The following RIMKLA variants were observed in gnomAD, a reference collection of about 807,000 sequenced individuals.
The protein encoded by RIMKLA is N-acetylaspartylglutamate synthase A.
RIMKLA carries 14 observed loss-of-function variants against 32.7 expected under a neutral mutation model. That is an observed-to-expected ratio of 0.43 (90% CI 0.28 to 0.67). The LOEUF is 0.67. Ranked by LOEUF, RIMKLA falls within the 30% of genes least tolerant of loss-of-function variation. The probability of loss-of-function intolerance (pLI) is 0.18; values close to 1 mark genes in which losing one functional copy is unlikely to be tolerated. For missense variants in RIMKLA, 410 were observed against 519.0 expected, an observed-to-expected ratio of 0.79 and a Z score of 2.04; for synonymous variants, 176 against 204.1, an observed-to-expected ratio of 0.86 and a Z score of 1.18.
intron 2 of RIMKLA, among the ~76,000 whole-genome samples, chr1:42,400,787 T>C (rs1340110675): frequency 6.6e-6 from 1 of 152,146 alleles, no homozygotes; most frequent in Non-Finnish European, 1.5e-5. Flanking sequence ...CTGGAGCTTC[T>C]GAAAGAAGTG....
At chr1:42,382,661 G>A (rs2148380931) in intron 1 of RIMKLA, among the ~76,000 whole-genome samples, 1 of 152,122 alleles carries the variant, frequency 6.6e-6, no homozygotes, top group South Asian at 2.1e-4. Context: ...CATTTAGTTT[G>A]TAGAACCGTC....
At chr1:42,384,732 A>G (rs11210628) in intron 1 of RIMKLA, among the ~76,000 whole-genome samples, 68,228 of 151,478 alleles carry the variant, frequency 0.45, 15,744 homozygotes, top group Middle Eastern at 0.57. Context: ...ATATGGGAAT[A>G]TAGCACTGGC....
At chr1:42,385,848 TTCTTTCTTTCTTTC>T in intron 1 of RIMKLA, among the ~76,000 whole-genome samples, 1 of 16,752 alleles carries the variant, frequency 6.0e-5, no homozygotes, top group African/African-American at 1.6e-4. Context: ...TTCTTTCTCT[TTCTTTCTTTCTTTC>T]TTTCTTTCTT....
intron 2 of RIMKLA, among the ~76,000 whole-genome samples, chr1:42,403,067 A>T (rs753294822): frequency 6.6e-6 from 1 of 152,220 alleles, no homozygotes; most frequent in Non-Finnish European, 1.5e-5. Flanking sequence ...CATTTTTGAG[A>T]ACTAGGAAGT....
chr1:42,385,753 TTCTTTCTTTC>T (rs1230850148), intron 1 of RIMKLA, among the ~76,000 whole-genome samples: 2 of 124,798 alleles, frequency 1.6e-5, no homozygotes, highest in South Asian at 2.3e-4. Flanking sequence ...CTTTCTTTCT[TTCTTTCTTTC>T]TTTCTTTGTT....
intron 2 of RIMKLA, 66 bp from the exon 3 acceptor site, chr1:42,404,445 G>A (rs1643127016): frequency 4.8e-6 from 5 of 1,040,558 alleles, no homozygotes; most frequent in South Asian, 2.5e-5. Flanking sequence ...ACAGAGGGGC[G>A]GGGCTGGGGT....
rs1227324934 is a variant in RIMKLA, at chr1:42,385,732, TTTCTTTC to T, written c.163+4638_163+4644del. Among the ~76,000 whole-genome samples, 73 of 83,734 alleles carry T rather than the reference TTTCTTTC, an allele frequency of 8.7e-4. 3 individuals carry two copies. The highest frequency in any genetic ancestry group is 7.7e-3 in the Admixed American group (72 of 9,354). 54.9% of individuals were successfully genotyped at this position (83,734 alleles called of 152,430 possible). ...TTCTTTCCTTCTCTTTCTTTCTTTC[TTTCTTTC>T]TTTCTTTCTTTCTTTCTTTCTTTCT... On this transcript the variant is annotated intron_variant, in intron 1 of 4. Transcript: ENST00000431473.
In RIMKLA at chr1:42,418,445, T is replaced by C. The variant is rs1276882537; in HGVS notation, c.*3471T>C. The C allele has an allele frequency of 2.0e-5, 3 of 152,020 alleles. No individual in the cohort carries two copies. Among genetic ancestry groups the C allele is most frequent in the South Asian group, 2.1e-4 (1 of 4,818 alleles). 9.4% of individuals were successfully genotyped at this position (152,020 alleles called of 1,614,324 possible). Reference sequence around the variant, plus strand: ...CAGCTAAAAGGAGATTCCATGACCATGGGGACCAGGAGAGGAGGAAAGGGA... The same window carrying C: ...CAGCTAAAAGGAGATTCCATGACCACGGGGACCAGGAGAGGAGGAAAGGGA... On this transcript the variant is annotated 3_prime_UTR_variant, in exon 5 of 5. Transcript: ENST00000431473.
chr1:42,399,975 A>G (rs974955043), intron 2 of RIMKLA, among the ~76,000 whole-genome samples: 1 of 152,236 alleles, frequency 6.6e-6, no homozygotes, highest in East Asian at 1.9e-4. Context: ...GAAACATGCT[A>G]TGAAAAGAAT....
At chr1:42,404,488 T>C (rs1487232879) in intron 2 of RIMKLA, 23 bp from the exon 3 acceptor site, 1 of 1,567,840 alleles carries the variant, frequency 6.4e-7, no homozygotes, top group Admixed American at 1.7e-5. Context: ...TTACCTTCAC[T>C]GACTTTCACC....
In RIMKLA at chr1:42,418,137, C is replaced by T. The variant is rs1364996249; in HGVS notation, c.*3163C>T. 1 of 152,168 alleles carries T rather than the reference C, an allele frequency of 6.6e-6. No homozygotes were observed. Among genetic ancestry groups the T allele is most frequent in the Non-Finnish European group, 1.5e-5 (1 of 68,046 alleles). 9.4% of individuals were successfully genotyped at this position (152,168 alleles called of 1,614,324 possible). On this transcript the variant is annotated 3_prime_UTR_variant, in exon 5 of 5. Transcript: ENST00000431473. ...ACCTGAAACTCTCCACTCTTGTATA[C>T]CAACTAACAAAGTCTTCCTTATGTA...
Position 42,414,929 on chromosome 1 carries a change from C to T in RIMKLA, c.1131C>T (p.Gly377=). The change falls in exon 5 of 5, where the codon GGC becomes GGT. Residue 377 remains glycine (G), a synonymous_variant. Coordinates refer to ENST00000431473, the MANE Select transcript of RIMKLA (RefSeq NM_173642.4). ...CACCCTCCATGCTGCCCGAACCTGG[C>T]TACAACATTAACAACAGGATTGCTT... The part of the protein sequence containing the change: ...GAPPSMLPEP[G]YNINNRIASE... 1 of 1,613,770 alleles carries T rather than the reference C, an allele frequency of 6.2e-7. No individual in the cohort carries two copies. Among genetic ancestry groups the T allele is most frequent in the Non-Finnish European group, 8.5e-7 (1 of 1,179,872 alleles).
Position 42,410,121 on chromosome 1 carries a change from G to A in RIMKLA, c.619G>A (p.Gly207Ser). The A allele has an allele frequency of 6.2e-7, 1 of 1,614,172 alleles. No homozygotes were observed. The highest frequency in any genetic ancestry group is 1.1e-5 in the South Asian group (1 of 91,082). The change falls in exon 4 of 5, where the codon GGC becomes AGC. Residue 207 changes from glycine (G) to serine (S), a missense_variant. By Grantham distance (56) the Gly-to-Ser change is moderately conservative. Transcript: ENST00000431473. ...GKDIRVVVVG[G>S]QVIGSMLRCS... ...GGACATCCGGGTGGTGGTGGTAGGG[G>A]GCCAGGTCATAGGCTCTATGCTTCG...
chr1:42,409,944 G>C (rs770913845), intron 3 of RIMKLA, 40 bp from the exon 4 acceptor site: 17 of 1,520,634 alleles, frequency 1.1e-5, no homozygotes, highest in East Asian at 2.3e-5. Flanking sequence ...GAGTCCAGAG[G>C]CTTCTCTAAC....
rs1643267372 is a variant in RIMKLA at position 42,418,188 on chromosome 1, G to GT, written c.*3215dup. 1 of 152,296 alleles carries GT rather than the reference G, an allele frequency of 6.6e-6. No individual in the cohort carries two copies. The highest frequency in any genetic ancestry group is 1.9e-4 in the East Asian group (1 of 5,180). 9.4% of individuals were successfully genotyped at this position (152,296 alleles called of 1,614,324 possible). A position where few individuals can be genotyped will look rare whatever the true frequency, so the allele number is the denominator to read the frequency against. On this transcript the variant is annotated 3_prime_UTR_variant, in exon 5 of 5. Transcript: ENST00000431473. ...ACATAGATTGCAGTGTCTGTATATG[G>GT]TCTTCCCATTATCTGGTAGTAGCAT...
chr1:42,405,531 A>G (rs750229974), intron 3 of RIMKLA, among the ~76,000 whole-genome samples: 2 of 152,172 alleles, frequency 1.3e-5, no homozygotes, highest in Non-Finnish European at 1.5e-5. Context: ...AGGCATCTGG[A>G]GTGAGGGAAG....
chr1:42,393,658 G>A (rs969162008), intron 1 of RIMKLA, among the ~76,000 whole-genome samples: 10 of 152,152 alleles, frequency 6.6e-5, no homozygotes, highest in Non-Finnish European at 1.3e-4. Context: ...AAAATGCTGT[G>A]GGTGGAGTAG....
At chr1:42,385,801 C>CTTTCTT (rs1557749811) in intron 1 of RIMKLA, among the ~76,000 whole-genome samples, 1 of 60,442 alleles carries the variant, frequency 1.7e-5, no homozygotes, top group Non-Finnish European at 3.7e-5. Context: ...CTTTCTTTCT[C>CTTTCTT]TCTCTCTTTC....
intron 1 of RIMKLA, among the ~76,000 whole-genome samples, chr1:42,387,473 G>A (rs80217537): frequency 0.028 from 4,315 of 152,196 alleles, 79 homozygotes; most frequent in Non-Finnish European, 0.043. Flanking sequence ...GGAACTAACA[G>A]GAATACTGAT....
Sources: gnomAD v4.1 joint callset for allele counts (sites outside exome capture counted in the v4.1 genomes callset) on GRCh38, gnomAD v4.1.1 for gene constraint, MANE v1.5 for transcripts, NCBI Gene and HGNC (gene_info 2026-07-23, HGNC 2026-07-21) for gene names.